CHN1: variants seen among roughly 807,000 people sequenced by gnomAD.
CHN1 encodes the protein N-chimaerin.
A neutral mutation model predicts 59.5 loss-of-function variants in CHN1; 37 were observed. The ratio of observed to expected loss-of-function variants is 0.62; its 90% confidence interval spans 0.48 to 0.82. The LOEUF is 0.82. CHN1 is among the 40% of genes least tolerant of loss of function. The probability of loss-of-function intolerance (pLI) is 0.00; values close to 1 mark genes in which losing one functional copy is unlikely to be tolerated. For synonymous variants in CHN1, 206 were observed against 200.4 expected (o/e 1.03, Z -0.24); for missense variants, 469 against 571.0 (o/e 0.82, Z 1.82).
chr2:174,985,493 A>C (rs763643205), intron 1 of CHN1, among the ~76,000 whole-genome samples: 1 of 148,080 alleles, frequency 6.8e-6, no homozygotes, highest in Non-Finnish European at 1.5e-5. Flanking sequence ...AAAAAATAAC[A>C]GTTACTTTAG....
At chr2:174,841,552 C>T (rs570272409) in intron 7 of CHN1, among the ~76,000 whole-genome samples, 23 of 152,202 alleles carry the variant, frequency 1.5e-4, no homozygotes, top group African/African-American at 2.6e-4. Context: ...TACTGATCTG[C>T]GCTATTTTTG....
chr2:174,884,971 A>G (rs1198192017), intron 5 of CHN1, among the ~76,000 whole-genome samples: 1 of 152,172 alleles, frequency 6.6e-6, no homozygotes, highest in Non-Finnish European at 1.5e-5. Context: ...GCTATATGTA[A>G]CAATAAAAAG....
intron 1 of CHN1, among the ~76,000 whole-genome samples, chr2:174,957,113 T>C (rs917503597): frequency 6.6e-6 from 1 of 152,344 alleles, no homozygotes; most frequent in East Asian, 1.9e-4. Flanking sequence ...GTATGAAGCT[T>C]ATCTAACACA....
intron 6 of CHN1, among the ~76,000 whole-genome samples, chr2:174,870,639 T>C (rs191550679): frequency 6.6e-6 from 1 of 152,332 alleles, no homozygotes; most frequent in East Asian, 1.9e-4. Flanking sequence ...CAAGACCAGA[T>C]TAACTGCTTG....
chr2:174,820,439 A>C (rs1457812461), intron 8 of CHN1, among the ~76,000 whole-genome samples: 2 of 152,130 alleles, frequency 1.3e-5, no homozygotes, highest in African/African-American at 4.8e-5. Flanking sequence ...GCATTTTTTC[A>C]TGTGATTTTT....
intron 5 of CHN1, among the ~76,000 whole-genome samples, chr2:174,880,890 T>C (rs1303814444): frequency 6.6e-6 from 1 of 151,868 alleles, no homozygotes; most frequent in Non-Finnish European, 1.5e-5. Flanking sequence ...CTACTAAAAA[T>C]ACAAAATTAG....
At chr2:174,973,781 G>A (rs972558260) in intron 1 of CHN1, among the ~76,000 whole-genome samples, 2 of 152,054 alleles carry the variant, frequency 1.3e-5, no homozygotes, top group Non-Finnish European at 2.9e-5. Flanking sequence ...TCTGACCCAG[G>A]GCACGTCAAT....
At chr2:174,870,384 A>G (rs1371471240) in intron 6 of CHN1, among the ~76,000 whole-genome samples, 1 of 152,224 alleles carries the variant, frequency 6.6e-6, no homozygotes, top group Non-Finnish European at 1.5e-5. Context: ...AGGCCATATT[A>G]AAAACATGTG....
intron 3 of CHN1, among the ~76,000 whole-genome samples, chr2:174,929,754 C>T (rs1485554577): frequency 6.6e-6 from 1 of 152,106 alleles, no homozygotes; most frequent in African/African-American, 2.4e-5. Flanking sequence ...ATTCAAGTAA[C>T]CAGTAGTGGT....
intron 7 of CHN1, among the ~76,000 whole-genome samples, chr2:174,842,633 C>T (rs1047288184): frequency 1.3e-5 from 2 of 152,182 alleles, no homozygotes; most frequent in African/African-American, 4.8e-5. Context: ...GATTTGCCCA[C>T]GTCCTCGGGA....
chr2:174,918,685 A>G (rs1276284112), intron 3 of CHN1, 120 bp from the exon 4 acceptor site: 2 of 756,294 alleles, frequency 2.6e-6, no homozygotes, highest in African/African-American at 1.8e-5. Flanking sequence ...CAAATAACAG[A>G]GTATGGAGTC....
intron 1 of CHN1, among the ~76,000 whole-genome samples, chr2:175,001,321 T>C (rs1044817711): frequency 6.6e-6 from 1 of 152,270 alleles, no homozygotes; most frequent in Non-Finnish European, 1.5e-5. Context: ...AAATCTTCAA[T>C]TGACTTGTCT....
At chr2:174,805,080 AT>A in intron 11 of CHN1, among the ~76,000 whole-genome samples, 1 of 152,370 alleles carries the variant, frequency 6.6e-6, no homozygotes, top group South Asian at 2.1e-4. Context: ...GTATTCAGAG[AT>A]GAATGACCAT....
At chr2:174,921,982 G>A (rs891713659) in intron 3 of CHN1, among the ~76,000 whole-genome samples, 5 of 152,148 alleles carry the variant, frequency 3.3e-5, no homozygotes, top group Admixed American at 3.3e-4. Flanking sequence ...TGTTATCTGT[G>A]AGGTTGTAGT....
intron 3 of CHN1, among the ~76,000 whole-genome samples, chr2:174,929,975 A>G (rs1558986013): frequency 6.6e-6 from 1 of 152,214 alleles, no homozygotes; most frequent in South Asian, 2.1e-4. Flanking sequence ...GAGAGTGGCT[A>G]TAAATTCAAG....
chr2:174,959,232 C>T (rs1690318767), intron 1 of CHN1, among the ~76,000 whole-genome samples: 1 of 152,160 alleles, frequency 6.6e-6, no homozygotes, highest in African/African-American at 2.4e-5. Context: ...TAACAGGTAT[C>T]TATTAAGGCA....
chr2:174,966,688 TAA>T (rs1249004743), intron 1 of CHN1, among the ~76,000 whole-genome samples: 1 of 152,116 alleles, frequency 6.6e-6, no homozygotes, highest in African/African-American at 2.4e-5. Flanking sequence ...AATCCAAAGG[TAA>T]AAGAGTGTCA....
intron 5 of CHN1, among the ~76,000 whole-genome samples, chr2:174,894,643 A>G (rs1468730165): frequency 1.3e-5 from 2 of 152,164 alleles, no homozygotes; most frequent in Non-Finnish European, 2.9e-5. Flanking sequence ...AAGGATAGAA[A>G]ACAGGATCTT....
intron 1 of CHN1, among the ~76,000 whole-genome samples, chr2:174,998,800 A>G (rs911186067): frequency 6.6e-6 from 1 of 152,234 alleles, no homozygotes; most frequent in Non-Finnish European, 1.5e-5. Flanking sequence ...AAAGTAAAAA[A>G]AAATCTAAAA....
Sources: allele counts gnomAD v4.1 joint callset (sites outside exome capture counted in the v4.1 genomes callset), GRCh38; gene constraint gnomAD v4.1.1; transcripts MANE v1.5; gene names NCBI Gene and HGNC (gene_info 2026-07-23, HGNC 2026-07-21).